The following SYS1 variants were observed in gnomAD, a reference collection of about 807,000 sequenced individuals.
SYS1 encodes SYS1 golgi trafficking protein, also known as protein SYS1 homolog.
Under a neutral mutation model 17.8 loss-of-function variants are expected in SYS1, and 8 were observed. The observed-to-expected ratio is 0.45, with a 90% CI of 0.26 to 0.81. SYS1 has a LOEUF of 0.81. Among genes scored for constraint, SYS1 ranks in the 40% least tolerant of loss-of-function variants. SYS1 has a pLI of 0.16. For synonymous variants in SYS1, 95 were observed against 90.9 expected, an observed-to-expected ratio of 1.05 and a Z score of -0.26; for missense variants, 161 against 203.9, an observed-to-expected ratio of 0.79 and a Z score of 1.28.
chr20:45,372,274 C>G (rs904294889), downstream of SYS1, among the ~76,000 whole-genome samples: 3 of 152,340 alleles, frequency 2.0e-5, no homozygotes, highest in East Asian at 5.8e-4. Flanking sequence ...CCCTTGCTGC[C>G]CTGGCCATGC....
At chr20:45,376,144 CTA>C (rs1448937846) in exon 4 of SYS1, 2 of 152,108 alleles carry the variant, frequency 1.3e-5, no homozygotes, top group Non-Finnish European at 1.5e-5. Flanking sequence ...CCTTCTAGCT[CTA>C]TGTTTCCTGA....
chr20:45,363,131 T>G, upstream of SYS1: 3 of 1,016,700 alleles, frequency 3.0e-6, no homozygotes, highest in Non-Finnish European at 3.5e-6. Flanking sequence ...GCCCCGCCCC[T>G]CCGCTGCTTT....
chr20:45,375,138 G>C, exon 4 of SYS1: 1 of 1,614,126 alleles, frequency 6.2e-7, no homozygotes, highest in Non-Finnish European at 8.5e-7. Flanking sequence ...ACATCACCCT[G>C]GGCGCCGGGA....
chr20:45,364,176 C>G (rs1409043507), intron 2 of SYS1, among the ~76,000 whole-genome samples: 1 of 152,154 alleles, frequency 6.6e-6, no homozygotes, highest in Admixed American at 6.5e-5. Context: ...AGACTAGTTG[C>G]AGAGAGGTCG....
rs1988486582 is a variant in SYS1 at position 45,368,412 on chromosome 20, A to G, written c.*1297A>G. ...GCACACAGTCTAGACCCACTTCCGCATTGAAACCTTCACTGTTCCTCTTTG... is the reference window on the plus strand; with the variant it reads ...GCACACAGTCTAGACCCACTTCCGCGTTGAAACCTTCACTGTTCCTCTTTG... On this transcript the variant is annotated 3_prime_UTR_variant, in exon 4 of 4. Transcript: ENST00000243918. 3 of 985,340 alleles carry G rather than the reference A, an allele frequency of 3.0e-6. No homozygotes were observed. The highest frequency in any genetic ancestry group is 3.6e-6 in the Non-Finnish European group (3 of 829,946). The allele number at this position is 985,340 out of a possible 1,614,324, so 61.0% of individuals were successfully genotyped here.
Position 45,366,899 on chromosome 20 carries a change from C to T in SYS1, c.255C>T (p.Ile85=). The change falls in exon 4 of 4, where the codon ATC becomes ATT. Residue 85 remains isoleucine, a synonymous_variant. Coordinates refer to ENST00000243918, the MANE Select transcript of SYS1 (RefSeq NM_033542.4). ...LTCALGLLYF[I]RRGKQCLDFT... is the part of the protein sequence containing the mutation. Reference sequence around the variant, plus strand: ...GTGCCCTGGGCTTGCTGTACTTCATCCGGCGAGGAAAGCAGTGTCTGGATT... The same window carrying T: ...GTGCCCTGGGCTTGCTGTACTTCATTCGGCGAGGAAAGCAGTGTCTGGATT... The T allele has an allele frequency of 1.9e-6, 3 of 1,614,172 alleles. No individual in the cohort carries two copies. Among genetic ancestry groups the T allele is most frequent in the Non-Finnish European group, 2.5e-6 (3 of 1,180,028 alleles).
rs1988435447 is a variant in SYS1 at position 45,366,950 on chromosome 20, C to T, written c.306C>T (p.His102=). ...LDFTVTVHFF[H]LLGCWFYSSR... ...TCACTGTCACTGTCCATTTCTTTCA[C>T]CTCCTGGGCTGCTGGTTCTACAGCT... is the stretch of plus-strand genomic sequence containing the variant. The change falls in exon 4 of 4, where the codon CAC becomes CAT. Residue 102 remains histidine (H), a synonymous_variant. Coordinates refer to ENST00000243918, the MANE Select transcript of SYS1 (RefSeq NM_033542.4). The T allele has an allele frequency of 6.2e-7, 1 of 1,614,192 alleles. No homozygotes were observed. The highest frequency in any genetic ancestry group is 8.5e-7 in the Non-Finnish European group (1 of 1,180,030).
At chr20:45,374,570 C>A in exon 4 of SYS1, 1 of 495,602 alleles carries the variant, frequency 2.0e-6, no homozygotes. Context: ...CCATGCCTAG[C>A]CTGTTCAGAG....
In SYS1 at chr20:45,375,920, A is replaced by G. The variant is rs575985163; in HGVS notation, c.*1626A>G. On this transcript the variant is annotated 3_prime_UTR_variant, in exon 4 of 4. Transcript: ENST00000426004. ...CTTAGGGTTCTGAGGAGGTGTCTCA[A>G]TGTCACCTCCCCTGACCCACTGGGG... The G allele has an allele frequency of 3.3e-4, 67 of 205,384 alleles. 1 individual carries two copies. In the East Asian group the frequency reaches 7.6e-3, roughly 23 times the overall value. 12.7% of individuals were successfully genotyped at this position (205,384 alleles called of 1,614,324 possible).
exon 4 of SYS1, chr20:45,374,549 G>A: frequency 1.9e-6 from 1 of 514,108 alleles, no homozygotes; most frequent in Non-Finnish European, 3.4e-6. Context: ...TGGGATTACA[G>A]GCGTGAGCCA....
chr20:45,361,968 C>G (rs1405297794), upstream of SYS1: 9 of 984,914 alleles, frequency 9.1e-6, no homozygotes, highest in Non-Finnish European at 1.1e-5. Context: ...CTTTCCACTT[C>G]AGAGAGGGGG....
chr20:45,375,488 C>G, exon 4 of SYS1: 2 of 1,611,720 alleles, frequency 1.2e-6, no homozygotes, highest in Non-Finnish European at 1.7e-6. Context: ...AGTTCCTTCT[C>G]GGAGCACCCG....
Position 45,368,285 on chromosome 20 carries a change from T to C in SYS1, c.*1170T>C, listed in dbSNP as rs1244196932. The C allele has an allele frequency of 1.6e-5, 16 of 985,332 alleles. No homozygotes were observed. The highest frequency in any genetic ancestry group is 1.9e-5 in the Non-Finnish European group (16 of 829,954). The allele number at this position is 985,332 out of a possible 1,614,324, so 61.0% of individuals were successfully genotyped here. On this transcript the variant is annotated 3_prime_UTR_variant, in exon 4 of 4. Transcript: ENST00000243918. ...GTGCAGGGAACTCTTACATCCTGTC[T>C]CCTTCACTTGCAGCGTCCCCTGCTA...
In SYS1 at chr20:45,363,235, C is replaced by T. The variant is rs1988280143; in HGVS notation, c.-84C>T. 8.5e-7 allele frequency: 1 copy of T among 1,176,804 alleles called. No individual in the cohort carries two copies. The highest frequency in any genetic ancestry group is 1.1e-6 in the Non-Finnish European group (1 of 945,636). 72.9% of individuals were successfully genotyped at this position (1,176,804 alleles called of 1,614,324 possible). A position where few individuals can be genotyped will look rare whatever the true frequency, so the allele number is the denominator to read the frequency against. On this transcript the variant is annotated 5_prime_UTR_variant, in exon 1 of 4. Transcript: ENST00000243918. ...GCCGGCAGCGCCTCTCCTCCATGGTCCTGTCTGTCAGCGCTGTTTTGGGAG... is the reference window on the plus strand; with the variant it reads ...GCCGGCAGCGCCTCTCCTCCATGGTTCTGTCTGTCAGCGCTGTTTTGGGAG...
At position 45,366,860 on chromosome 20, in the gene SYS1, G is replaced by C. The variant is rs1347418888; in HGVS notation, c.231-15G>C. On this transcript the variant is annotated splice_polypyrimidine_tract_variant and intron_variant, in intron 3 of 3. Coordinates refer to ENST00000243918, the MANE Select transcript of SYS1 (RefSeq NM_033542.4). Reference sequence around the variant, plus strand: ...GACAACCCAGTGACAACTCACTGCTGTCCTCTCCCCACAGTGCCCTGGGCT... The same window carrying C: ...GACAACCCAGTGACAACTCACTGCTCTCCTCTCCCCACAGTGCCCTGGGCT... 2 of 1,611,820 alleles carry C rather than the reference G, an allele frequency of 1.2e-6. No individual in the cohort carries two copies. Among genetic ancestry groups the C allele is most frequent in the East Asian group, 2.2e-5 (1 of 44,894 alleles).
exon 4 of SYS1, chr20:45,375,699 CTGG>C (rs1988711177): frequency 4.1e-6 from 4 of 984,786 alleles, no homozygotes; most frequent in Non-Finnish European, 6.0e-6. Context: ...AGGCCTTGTG[CTGG>C]TGTGAGGAGG....
chr20:45,367,364 T>G lies in SYS1; in HGVS notation c.*249T>G, dbSNP rs1988450464. 7.4e-7 allele frequency: 1 copy of G among 1,345,814 alleles called. No homozygotes were observed. The highest frequency in any genetic ancestry group is 3.1e-5 in the East Asian group (1 of 32,740). 83.4% of individuals were successfully genotyped at this position (1,345,814 alleles called of 1,614,324 possible). A position where few individuals can be genotyped will look rare whatever the true frequency, so the allele number is the denominator to read the frequency against. On this transcript the variant is annotated 3_prime_UTR_variant, in exon 4 of 4. Coordinates refer to ENST00000243918, the MANE Select transcript of SYS1 (RefSeq NM_033542.4). The stretch of plus-strand genomic sequence containing the variant: ...GTCAGGAAGGGGACCTCTTTGAGGG[T>G]AATAACAGAATTGGAACCATGCCAC...
chr20:45,367,735 C>A lies in SYS1; in HGVS notation c.*620C>A. ...CACACGTTCATGTGCACCCAAGAAC[C>A]TATGACTTTCTTCCAGTTCCTTCTA... On this transcript the variant is annotated 3_prime_UTR_variant, in exon 4 of 4. Coordinates refer to ENST00000243918, the MANE Select transcript of SYS1 (RefSeq NM_033542.4). 1 of 986,622 alleles carries A rather than the reference C, an allele frequency of 1.0e-6. No homozygotes were observed. Among genetic ancestry groups the A allele is most frequent in the Non-Finnish European group, 1.2e-6 (1 of 830,570 alleles). 61.1% of individuals were successfully genotyped at this position (986,622 alleles called of 1,614,324 possible).
At chr20:45,362,331 TGAGGA>T (rs1377866411), upstream of SYS1, among the ~76,000 whole-genome samples, 1 of 149,662 alleles carries the variant, frequency 6.7e-6, no homozygotes, top group African/African-American at 2.5e-5. Context: ...GTTGTAGTGT[TGAGGA>T]AACACTTGAA....
Sources: gnomAD v4.1 joint callset for allele counts (sites outside exome capture counted in the v4.1 genomes callset) on GRCh38, gnomAD v4.1.1 for gene constraint, MANE v1.5 for transcripts, NCBI Gene and HGNC (gene_info 2026-07-23, HGNC 2026-07-21) for gene names.